The following TENM4 variants were observed in gnomAD, a reference collection of about 807,000 sequenced individuals.
The protein encoded by TENM4 is teneurin transmembrane protein 4, also known as teneurin-4.
TENM4 carries 82 observed loss-of-function variants against 243.3 expected under a neutral mutation model. The ratio of observed to expected loss-of-function variants is 0.34; its 90% CI spans 0.28 to 0.40. The LOEUF (loss-of-function observed/expected upper bound fraction) is 0.40, where lower values mean the gene tolerates loss of function less well. TENM4 is among the 10% of genes least tolerant of loss of function. The probability of loss-of-function intolerance (pLI) is 1.00; values close to 1 mark genes in which losing one functional copy is unlikely to be tolerated. For missense variants in TENM4, 3,138 were observed against 3,673.3 expected, an observed-to-expected ratio of 0.85 and a Z score of 3.77; for synonymous variants, 1,412 against 1,456.3, an observed-to-expected ratio of 0.97 and a Z score of 0.69.
intron 27 of TENM4, among the ~76,000 whole-genome samples, chr11:78,704,005 CCA>C (rs146417954): frequency 2.4e-4 from 32 of 132,948 alleles, no homozygotes; most frequent in South Asian, 7.1e-4. Flanking sequence ...GCATGTGCCA[CCA>C]CACACACACA....
intron 6 of TENM4, among the ~76,000 whole-genome samples, chr11:79,040,782 G>A (rs72949531): frequency 0.1 from 15,954 of 152,060 alleles, 1,044 homozygotes; most frequent in Middle Eastern, 0.14. Context: ...AAAAATTTAA[G>A]TTTTAGAAAC....
At chr11:79,103,192 C>T (rs1861277753) in intron 4 of TENM4, among the ~76,000 whole-genome samples, 1 of 152,154 alleles carries the variant, frequency 6.6e-6, no homozygotes, top group Non-Finnish European at 1.5e-5. Context: ...TTAGGCTCTC[C>T]CCACAATCCA....
At chr11:78,817,784 C>T (rs1457597073) in intron 12 of TENM4, among the ~76,000 whole-genome samples, 1 of 152,198 alleles carries the variant, frequency 6.6e-6, no homozygotes, top group African/African-American at 2.4e-5. Context: ...TGTTGTCCTG[C>T]TACTGAGTGG....
At chr11:78,998,483 A>T (rs919179210) in intron 6 of TENM4, among the ~76,000 whole-genome samples, 1 of 152,252 alleles carries the variant, frequency 6.6e-6, no homozygotes, top group Non-Finnish European at 1.5e-5. Flanking sequence ...AGTTTGACAA[A>T]ATTGACAAAA....
chr11:78,962,351 C>G (rs1437965098), intron 6 of TENM4: 1 of 150,368 alleles, frequency 6.7e-6, no homozygotes, highest in Non-Finnish European at 1.5e-5. Flanking sequence ...TGCAAGGGAG[C>G]ACCTGCGAAC....
chr11:79,369,250 C>T (rs941451838), intron 1 of TENM4, among the ~76,000 whole-genome samples: 3 of 152,122 alleles, frequency 2.0e-5, no homozygotes, highest in Non-Finnish European at 2.9e-5. Flanking sequence ...TGCTTAAGAG[C>T]CTGGGCAAGG....
chr11:79,100,851 C>T (rs1591283392), intron 4 of TENM4, among the ~76,000 whole-genome samples: 1 of 152,188 alleles, frequency 6.6e-6, no homozygotes, highest in Admixed American at 6.5e-5. Flanking sequence ...TAACCTTCCA[C>T]TCCCCTTATC....
intron 4 of TENM4, among the ~76,000 whole-genome samples, chr11:79,141,663 C>T (rs946831218): frequency 1.3e-5 from 2 of 151,892 alleles, no homozygotes; most frequent in Admixed American, 1.3e-4. Flanking sequence ...ACCCTGATAC[C>T]CAAGCCAGAC....
chr11:79,295,912 C>CACACACAT (rs1323760125), intron 2 of TENM4, among the ~76,000 whole-genome samples: 4 of 146,508 alleles, frequency 2.7e-5, no homozygotes, highest in Non-Finnish European at 4.6e-5. Flanking sequence ...CACACACACA[C>CACACACAT]ACACACACAC....
intron 3 of TENM4, among the ~76,000 whole-genome samples, chr11:79,214,684 G>T (rs1864015903): frequency 6.6e-6 from 1 of 152,194 alleles, no homozygotes; most frequent in African/African-American, 2.4e-5. Flanking sequence ...CAGAAATCAG[G>T]CAGGACCACA....
intron 15 of TENM4, among the ~76,000 whole-genome samples, chr11:78,800,383 C>T (rs183909286): frequency 3.3e-5 from 5 of 152,132 alleles, no homozygotes; most frequent in Admixed American, 1.3e-4. Context: ...GCTGGCACTG[C>T]GCATGAAACT....
intron 6 of TENM4, among the ~76,000 whole-genome samples, chr11:78,913,507 T>C (rs750967922): frequency 6.6e-6 from 1 of 152,018 alleles, no homozygotes; most frequent in Non-Finnish European, 1.5e-5. Flanking sequence ...CTTACCCTTT[T>C]CAAAAATGAT....
At chr11:79,381,833 G>T (rs1305231065) in intron 1 of TENM4, among the ~76,000 whole-genome samples, 2 of 151,970 alleles carry the variant, frequency 1.3e-5, no homozygotes, top group East Asian at 3.9e-4. Flanking sequence ...ACCACACAGT[G>T]AGTAAGTGGC....
intron 32 of TENM4, among the ~76,000 whole-genome samples, chr11:78,663,833 C>T (rs747983291): frequency 2.0e-5 from 3 of 152,286 alleles, no homozygotes; most frequent in South Asian, 2.1e-4. Flanking sequence ...TCCCTGTCAC[C>T]ACTGGGTTCC....
At chr11:78,691,378 T>A (rs1450518612) in intron 28 of TENM4, among the ~76,000 whole-genome samples, 3 of 152,202 alleles carry the variant, frequency 2.0e-5, no homozygotes, top group African/African-American at 4.8e-5. Flanking sequence ...AATGCAGGAT[T>A]GGATGTGCAA....
At chr11:79,267,871 G>A (rs1944441) in intron 2 of TENM4, among the ~76,000 whole-genome samples, 1 of 152,296 alleles carries the variant, frequency 6.6e-6, no homozygotes, top group East Asian at 1.9e-4. Flanking sequence ...AAAAATCCCA[G>A]ACACCTGTAT....
At chr11:79,244,391 C>T (rs1295818856) in intron 2 of TENM4, among the ~76,000 whole-genome samples, 2 of 152,018 alleles carry the variant, frequency 1.3e-5, no homozygotes, top group African/African-American at 4.8e-5. Context: ...GTCCAGAGAC[C>T]CTCATCTTTT....
intron 19 of TENM4, among the ~76,000 whole-genome samples, chr11:78,742,767 G>A (rs1156671124): frequency 1.3e-5 from 2 of 152,124 alleles, no homozygotes; most frequent in Admixed American, 6.5e-5. Flanking sequence ...AGAGTGACAA[G>A]GTTTGGGATC....
chr11:78,992,713 G>C (rs1434864169), intron 6 of TENM4, among the ~76,000 whole-genome samples: 1 of 152,230 alleles, frequency 6.6e-6, no homozygotes, highest in Non-Finnish European at 1.5e-5. Context: ...GTAGGAAGTA[G>C]AGAAGGTGTT....
Sources: gnomAD v4.1 joint callset for allele counts (sites outside exome capture counted in the v4.1 genomes callset) on GRCh38, gnomAD v4.1.1 for gene constraint, MANE v1.5 for transcripts, NCBI Gene and HGNC (gene_info 2026-07-23, HGNC 2026-07-21) for gene names.